Variants in CYP46A1 observed in about 807,000 individuals in gnomAD.
CYP46A1 encodes the protein cholesterol 24-hydroxylase.
CYP46A1 carries 20 observed loss-of-function variants against 63.3 expected under a neutral mutation model. That is an observed-to-expected ratio of 0.32 (90% CI 0.22 to 0.46). The LOEUF is 0.46. Among genes scored for constraint, CYP46A1 ranks in the 20% least tolerant of loss-of-function variants. CYP46A1 has a pLI of 1.00. For synonymous variants in CYP46A1, 268 were observed against 273.6 expected, an observed-to-expected ratio of 0.98 and a Z score of 0.20; for missense variants, 445 against 670.8, an observed-to-expected ratio of 0.66 and a Z score of 3.72.
intron 5 of CYP46A1, chr14:99,703,773 C>G: frequency 1.0e-6 from 1 of 964,568 alleles, no homozygotes. Flanking sequence ...AGTCCTGCGC[C>G]CAGCACCAGG....
At chr14:99,713,987 G>A (rs957421584) in intron 7 of CYP46A1, among the ~76,000 whole-genome samples, 5 of 151,874 alleles carry the variant, frequency 3.3e-5, no homozygotes, top group Non-Finnish European at 5.9e-5. Context: ...TTGTTAAATG[G>A]GAGAAAGAAT....
In CYP46A1 at chr14:99,725,166, C is replaced by T. The variant is rs934317008; in HGVS notation, c.1177-225C>T. Reference sequence around the variant, plus strand: ...CAGGGCTGAGCCCAGCACAGGATGACGCAGTACGCCCAGCTGGCACAGTCA... The same window carrying T: ...CAGGGCTGAGCCCAGCACAGGATGATGCAGTACGCCCAGCTGGCACAGTCA... On this transcript the variant is annotated intron_variant, in intron 12 of 14. Transcript: ENST00000261835. This position sits in a 1 kb window ranked among gnomAD's most constrained non-coding sequence, Gnocchi z 4.2. 2.0e-5 allele frequency among the ~76,000 whole-genome samples: 3 copies of T among 152,016 alleles called. No individual in the cohort carries two copies. The highest frequency in any genetic ancestry group is 2.1e-4 in the South Asian group (1 of 4,814).
chr14:99,717,797 C>G (rs1052014717), intron 9 of CYP46A1: 9 of 442,700 alleles, frequency 2.0e-5, no homozygotes, highest in Non-Finnish European at 3.6e-5. Flanking sequence ...GAATTGTGTC[C>G]CCCCCACTCT....
chr14:99,712,741 A>G (rs532675598), intron 7 of CYP46A1: 2 of 152,374 alleles, frequency 1.3e-5, no homozygotes, highest in South Asian at 4.1e-4. Flanking sequence ...CTAAAGATTC[A>G]ATGCAATCTC....
intron 3 of CYP46A1, among the ~76,000 whole-genome samples, chr14:99,699,088 G>GCCCTTCCTCTCCCGGAAGGGCTTCTC (rs538320590): frequency 8.1e-4 from 123 of 152,126 alleles, no homozygotes; most frequent in African/African-American, 2.5e-3. Context: ...TGACCCAGAA[G>GCCCTTCCTCTCCCGGAAGGGCTTCTC]CCCTTCCTCT....
rs758126503 is a variant in CYP46A1, at chr14:99,691,822, C to T, written c.243C>T (p.His81=). 6.2e-7 allele frequency: 1 copy of T among 1,614,204 alleles called. No individual in the cohort carries two copies. The highest frequency in any genetic ancestry group is 8.5e-7 in the Non-Finnish European group (1 of 1,180,040). The part of the protein sequence containing the change: ...YGPVVRVNVF[H]KTSVIVTSPE... Reference sequence around the variant, plus strand: ...CTGTTGTGCGGGTCAACGTCTTCCACAAAACCTCAGTCATCGTCACGAGTC... The same window carrying T: ...CTGTTGTGCGGGTCAACGTCTTCCATAAAACCTCAGTCATCGTCACGAGTC... The change falls in exon 3 of 15, where the codon CAC becomes CAT. Residue 81 remains histidine, a synonymous_variant. Coordinates refer to ENST00000261835, the MANE Select transcript of CYP46A1 (RefSeq NM_006668.2).
chr14:99,689,804 T>G (rs2056527936), intron 1 of CYP46A1, among the ~76,000 whole-genome samples: 1 of 152,180 alleles, frequency 6.6e-6, no homozygotes, highest in Non-Finnish European at 1.5e-5. Flanking sequence ...GTGTCCCTGC[T>G]TCCTCCCCTA....
chr14:99,699,550 A>G lies in CYP46A1; in HGVS notation c.356+11A>G. ...TGTGTTTGGTGAGAGGTAAGGAGGT[A>G]TGGTGGAAGGCCTGGGTGGGAGGCC... is the stretch of plus-strand genomic sequence containing the variant. On this transcript the variant is annotated intron_variant, in intron 4 of 14. Transcript: ENST00000261835. 1.9e-6 allele frequency: 3 copies of G among 1,614,020 alleles called. No individual in the cohort carries two copies. The highest frequency in any genetic ancestry group is 2.5e-6 in the Non-Finnish European group (3 of 1,179,936).
chr14:99,700,493 A>G (rs912684741), intron 5 of CYP46A1, among the ~76,000 whole-genome samples: 1 of 152,204 alleles, frequency 6.6e-6, no homozygotes, highest in East Asian at 1.9e-4. Context: ...TGTTTCGGTC[A>G]ACGATGGAAT....
intron 10 of CYP46A1, 64 bp from the exon 11 acceptor site, chr14:99,721,175 A>T: frequency 8.1e-7 from 1 of 1,240,306 alleles, no homozygotes; most frequent in Non-Finnish European, 1.2e-6. Flanking sequence ...CCCCCTTCTT[A>T]AAGCTAAGTA....
chr14:99,718,358 C>T (rs569219369), intron 10 of CYP46A1, among the ~76,000 whole-genome samples: 2 of 152,336 alleles, frequency 1.3e-5, no homozygotes, highest in South Asian at 2.1e-4. Flanking sequence ...CTAAAGGAGC[C>T]ACCCCACGTT....
Position 99,700,105 on chromosome 14 carries a change from AG to A in CYP46A1, c.443+5del. ...TAGACCTGGCCTTCAGCCGGAGGTGAGTGTGGCCGGAGGCTCCGTGGCTCCT... is the reference window on the plus strand; with the variant it reads ...TAGACCTGGCCTTCAGCCGGAGGTGATGTGGCCGGAGGCTCCGTGGCTCCT... On this transcript the variant is annotated splice_donor_5th_base_variant and intron_variant, in intron 5 of 14. Coordinates refer to ENST00000261835, the MANE Select transcript of CYP46A1 (RefSeq NM_006668.2). 1.3e-6 allele frequency: 2 copies of A among 1,591,336 alleles called. No individual in the cohort carries two copies. The highest frequency in any genetic ancestry group is 1.7e-6 in the Non-Finnish European group (2 of 1,164,794).
At chr14:99,686,466 A>G (rs2056495457) in intron 1 of CYP46A1, among the ~76,000 whole-genome samples, 1 of 152,184 alleles carries the variant, frequency 6.6e-6, no homozygotes, top group Non-Finnish European at 1.5e-5. Flanking sequence ...TTGTCACCCC[A>G]GAAAGAAACC....
At chr14:99,720,493 T>C (rs976277842) in intron 10 of CYP46A1, among the ~76,000 whole-genome samples, 1 of 138,392 alleles carries the variant, frequency 7.2e-6, no homozygotes, top group Non-Finnish European at 1.5e-5. Flanking sequence ...GGAGTCTCGC[T>C]CTGTTGCTAG....
At chr14:99,685,163 T>C (rs2056481899) in intron 1 of CYP46A1, among the ~76,000 whole-genome samples, 1 of 145,160 alleles carries the variant, frequency 6.9e-6, no homozygotes, top group South Asian at 2.2e-4. Context: ...GGGCTTCCCA[T>C]CACTTGACAA....
chr14:99,716,302 G>A (rs1245606685), intron 9 of CYP46A1, 103 bp downstream of exon 9: 51 of 1,264,298 alleles, frequency 4.0e-5, no homozygotes, highest in South Asian at 3.3e-4. Flanking sequence ...GGCTATCTGA[G>A]CAGAGCTCAC....
chr14:99,684,673 G>A (rs1455821749), intron 1 of CYP46A1, 137 bp downstream of exon 1: 2 of 715,972 alleles, frequency 2.8e-6, no homozygotes, highest in Non-Finnish European at 2.4e-6. Context: ...GCCCCGAGAG[G>A]GGCGCTAACT....
At chr14:99,726,314 C>T (rs893277751) in intron 14 of CYP46A1, 58 bp downstream of exon 14, 29 of 1,561,322 alleles carry the variant, frequency 1.9e-5, no homozygotes, top group Non-Finnish European at 2.5e-5. Flanking sequence ...GGGGGCTCAT[C>T]CTGAGCCGGG....
At chr14:99,699,416 C>G (rs1566828159) in intron 3 of CYP46A1, 50 bp from the exon 4 acceptor site, 9 of 1,542,150 alleles carry the variant, frequency 5.8e-6, no homozygotes, top group Non-Finnish European at 8.1e-6. Flanking sequence ...GAGCATCTTG[C>G]AGCTACTCAT....
Sources: allele counts gnomAD v4.1 joint callset (sites outside exome capture counted in the v4.1 genomes callset), GRCh38; gene constraint gnomAD v4.1.1; non-coding constraint Gnocchi (gnomAD v3.1); transcripts MANE v1.5; gene names NCBI Gene and HGNC (gene_info 2026-07-23, HGNC 2026-07-21).